DPP10: variants seen among roughly 807,000 people sequenced by gnomAD.
DPP10 encodes dipeptidyl peptidase like 10.
A neutral mutation model predicts 120.9 loss-of-function variants in DPP10; 33 were observed. That is an observed-to-expected ratio of 0.27 (90% CI 0.21 to 0.37). The LOEUF (loss-of-function observed/expected upper bound fraction) is 0.37, where lower values mean the gene tolerates loss of function less well. Among genes scored for constraint, DPP10 ranks in the 10% least tolerant of loss-of-function variants. The probability of loss-of-function intolerance (pLI) is 1.00; values close to 1 mark genes in which losing one functional copy is unlikely to be tolerated. For synonymous variants in DPP10, 337 were observed against 326.1 expected (o/e 1.03, Z -0.36); for missense variants, 816 against 942.8 (o/e 0.87, Z 1.76).
chr2:114,513,260 C>T (rs559695686), intron 1 of DPP10, among the ~76,000 whole-genome samples: 17 of 152,200 alleles, frequency 1.1e-4, no homozygotes, highest in East Asian at 7.7e-4. Context: ...CGGTGGCTAA[C>T]GCCTGTAATC....
chr2:115,820,112 T>G (rs1687657430), intron 21 of DPP10, among the ~76,000 whole-genome samples: 1 of 152,242 alleles, frequency 6.6e-6, no homozygotes, highest in Admixed American at 6.5e-5. Context: ...AATATCTATT[T>G]GTCAGGATAA....
chr2:115,796,098 G>C (rs545681501), intron 19 of DPP10, among the ~76,000 whole-genome samples: 5 of 151,816 alleles, frequency 3.3e-5, no homozygotes, highest in Non-Finnish European at 7.4e-5. Context: ...TTTTCTCTTC[G>C]TTTTTATCTC....
chr2:114,730,433 A>C (rs1389005664), intron 1 of DPP10, among the ~76,000 whole-genome samples: 2 of 152,188 alleles, frequency 1.3e-5, no homozygotes, highest in East Asian at 3.8e-4. Flanking sequence ...ATGAATTTCC[A>C]AGGTTTTATT....
intron 5 of DPP10, among the ~76,000 whole-genome samples, chr2:115,612,055 T>C (rs2084141650): frequency 6.6e-6 from 1 of 152,118 alleles, no homozygotes; most frequent in Admixed American, 6.6e-5. Flanking sequence ...TATATTACAA[T>C]ATGGAAGGAA....
chr2:114,584,499 C>T (rs1477082334), intron 1 of DPP10, among the ~76,000 whole-genome samples: 2 of 150,668 alleles, frequency 1.3e-5, no homozygotes, highest in African/African-American at 4.9e-5. Flanking sequence ...CACCCATTAA[C>T]TCGTCATTTA....
chr2:114,492,598 G>A (rs1283657745), intron 1 of DPP10, among the ~76,000 whole-genome samples: 2 of 152,010 alleles, frequency 1.3e-5, no homozygotes, highest in Non-Finnish European at 2.9e-5. Flanking sequence ...GAAACTTCTG[G>A]GAGCAACTAT....
intron 1 of DPP10, among the ~76,000 whole-genome samples, chr2:114,709,908 G>A (rs1179586709): frequency 2.0e-5 from 3 of 152,214 alleles, no homozygotes; most frequent in Admixed American, 6.5e-5. Context: ...TAGAGAATGA[G>A]ATTAGGAAAG....
chr2:115,187,019 CTTTTTTTTTTTTTTTTTTTTTTTT>C (rs147014349), intron 1 of DPP10, among the ~76,000 whole-genome samples: 2 of 63,180 alleles, frequency 3.2e-5, no homozygotes, highest in African/African-American at 5.2e-5. Context: ...TGCAAAGATT[CTTTTTTTTTTTTTTTTTTTTTTTT>C]TTTTTTTTTT....
At position 115,402,864 on chromosome 2, in the gene DPP10, T is replaced by A. The variant is rs1257609997; in HGVS notation, c.271+58952T>A. ...AAGGAAAAAAAAAAAAATATATATA[T>A]ATATATATATATGTGTGTGTGTGTG... On this transcript the variant is annotated intron_variant, in intron 3 of 25. Coordinates refer to ENST00000410059, the MANE Select transcript of DPP10 (RefSeq NM_020868.6). Among the ~76,000 whole-genome samples the A allele has an allele frequency of 3.7e-4, 49 of 132,590 alleles. 1 individual carries two copies. The highest frequency in any genetic ancestry group is 2.3e-3 in the South Asian group (10 of 4,292). The allele number at this position is 132,590 out of a possible 152,430, so 87.0% of individuals were successfully genotyped here.
intron 1 of DPP10, among the ~76,000 whole-genome samples, chr2:115,133,249 G>A (rs1244318677): frequency 6.9e-6 from 1 of 144,028 alleles, no homozygotes; most frequent in Non-Finnish European, 1.5e-5. Flanking sequence ...TGAAATCTCG[G>A]ATTTGCCATT....
intron 4 of DPP10, among the ~76,000 whole-genome samples, chr2:115,511,670 A>T (rs1290887600): frequency 7.4e-6 from 1 of 135,648 alleles, no homozygotes; most frequent in African/African-American, 2.8e-5. Context: ...TTAATTTGAG[A>T]TATGTATTTT....
chr2:115,596,900 A>T (rs2083021857), intron 5 of DPP10, among the ~76,000 whole-genome samples: 1 of 152,184 alleles, frequency 6.6e-6, no homozygotes, highest in Non-Finnish European at 1.5e-5. Context: ...GAGTGTCAGG[A>T]TAGCTAGCTA....
At chr2:115,083,041 C>T (rs139510547) in intron 1 of DPP10, among the ~76,000 whole-genome samples, 3 of 152,254 alleles carry the variant, frequency 2.0e-5, no homozygotes, top group East Asian at 1.9e-4. Context: ...ATTGATTATT[C>T]GTAAACAATC....
intron 1 of DPP10, among the ~76,000 whole-genome samples, chr2:114,604,311 C>A (rs912303805): frequency 1.3e-5 from 2 of 152,070 alleles, no homozygotes; most frequent in African/African-American, 4.8e-5. Flanking sequence ...ACTTTGCAAG[C>A]AGACCTTTAT....
chr2:115,711,692 C>A (rs1029284081), intron 7 of DPP10, among the ~76,000 whole-genome samples: 1 of 152,078 alleles, frequency 6.6e-6, no homozygotes, highest in African/African-American at 2.4e-5. Flanking sequence ...ATAAAGGTAT[C>A]AGAAATAACT....
At chr2:114,882,201 A>G (rs60026784) in intron 1 of DPP10, among the ~76,000 whole-genome samples, 28,751 of 152,154 alleles carry the variant, frequency 0.19, 2,972 homozygotes, top group Middle Eastern at 0.32. Flanking sequence ...TGAAAAAGAC[A>G]CACACATATG....
chr2:114,804,809 T>G (rs2106297655), intron 1 of DPP10, among the ~76,000 whole-genome samples: 2 of 152,290 alleles, frequency 1.3e-5, no homozygotes, highest in Middle Eastern at 6.8e-3. Flanking sequence ...CTCTGGACTT[T>G]TGGGTTAATG....
chr2:114,734,014 T>C (rs1677184376), intron 1 of DPP10, among the ~76,000 whole-genome samples: 1 of 152,148 alleles, frequency 6.6e-6, no homozygotes, highest in African/African-American at 2.4e-5. Context: ...AAACCATAAA[T>C]TCTCATCAGA....
chr2:115,594,407 GA>G (rs200186232), intron 5 of DPP10, among the ~76,000 whole-genome samples: 2,074 of 151,944 alleles, frequency 0.014, 27 homozygotes, highest in Middle Eastern at 0.02. Flanking sequence ...TAGCTCAAAA[GA>G]AAAAAGTTTT....
Sources: gnomAD v4.1 joint callset for allele counts (sites outside exome capture counted in the v4.1 genomes callset) on GRCh38, gnomAD v4.1.1 for gene constraint, MANE v1.5 for transcripts, NCBI Gene and HGNC (gene_info 2026-07-23, HGNC 2026-07-21) for gene names.